LRFN2: variants seen among roughly 807,000 people sequenced by gnomAD.
LRFN2 encodes the protein leucine rich repeat and fibronectin type III domain containing 2, also known as leucine-rich repeat and fibronectin type-III domain-containing protein 2.
LRFN2 carries 18 observed loss-of-function variants against 37.3 expected under a neutral mutation model. That is an observed-to-expected ratio of 0.48 (90% CI 0.33 to 0.72). The LOEUF (loss-of-function observed/expected upper bound fraction) is 0.72. Ranked by LOEUF, LRFN2 falls within the 30% of genes least tolerant of loss-of-function variation. The pLI, the probability that LRFN2 is intolerant of heterozygous loss-of-function variation, is 0.02. For missense variants in LRFN2, 1,006 were observed against 1,060.7 expected (o/e 0.95, Z 0.72); for synonymous variants, 556 against 466.6 (o/e 1.19, Z -2.47).
chr6:40,540,379 G>T (rs1766530742), intron 1 of LRFN2, among the ~76,000 whole-genome samples: 1 of 152,140 alleles, frequency 6.6e-6, no homozygotes, highest in Admixed American at 6.5e-5. Flanking sequence ...GTTCCTTCCA[G>T]ATCCCAAGCT....
intron 1 of LRFN2, among the ~76,000 whole-genome samples, chr6:40,566,073 A>G (rs1209762571): frequency 9.2e-5 from 14 of 152,242 alleles, no homozygotes; most frequent in Non-Finnish European, 2.1e-4. Flanking sequence ...AAGTGGATGA[A>G]GGATATGAAC....
At chr6:40,489,252 C>G (rs1054384047) in intron 1 of LRFN2, among the ~76,000 whole-genome samples, 2 of 152,178 alleles carry the variant, frequency 1.3e-5, no homozygotes, top group Non-Finnish European at 2.9e-5. Flanking sequence ...ACACGAACAA[C>G]AGAACAATAG....
chr6:40,508,439 G>A (rs887594989), intron 1 of LRFN2, among the ~76,000 whole-genome samples: 1 of 152,166 alleles, frequency 6.6e-6, no homozygotes, highest in South Asian at 2.1e-4. Context: ...CTGATCAGCA[G>A]TGGGTGGTGG....
intron 2 of LRFN2, among the ~76,000 whole-genome samples, chr6:40,428,433 A>T (rs1048720515): frequency 6.6e-6 from 1 of 152,222 alleles, no homozygotes; most frequent in African/African-American, 2.4e-5. Flanking sequence ...CTTCCTGTTA[A>T]AATGAGCAGG....
chr6:40,545,050 C>G (rs1289741213), intron 1 of LRFN2, among the ~76,000 whole-genome samples: 2 of 152,220 alleles, frequency 1.3e-5, no homozygotes, highest in East Asian at 3.8e-4. Context: ...CTTCCCATCT[C>G]TGAGCCAGAG....
intron 2 of LRFN2, among the ~76,000 whole-genome samples, chr6:40,396,093 AAG>A (rs1762609106): frequency 3.2e-5 from 1 of 31,458 alleles, no homozygotes. Context: ...ACAAAATAAG[AAG>A]AACAGCTAAC....
intron 1 of LRFN2, among the ~76,000 whole-genome samples, chr6:40,586,618 G>A (rs779340195): frequency 6.6e-6 from 1 of 152,080 alleles, no homozygotes; most frequent in Non-Finnish European, 1.5e-5. Flanking sequence ...TTCTCCTGCT[G>A]TTTTCAACGG....
At chr6:40,457,637 T>TAAAAAAA (rs70984171) in intron 1 of LRFN2, among the ~76,000 whole-genome samples, 44 of 101,392 alleles carry the variant, frequency 4.3e-4, no homozygotes, top group Non-Finnish European at 7.8e-4. Context: ...AGACCCTGTT[T>TAAAAAAA]AAAAAAAAAA....
chr6:40,562,276 T>C (rs1005154985), intron 1 of LRFN2, among the ~76,000 whole-genome samples: 5 of 151,962 alleles, frequency 3.3e-5, no homozygotes, highest in African/African-American at 1.2e-4. Context: ...GGAGGAACCA[T>C]GACTACGCAA....
chr6:40,508,726 A>T (rs1163663516), intron 1 of LRFN2, among the ~76,000 whole-genome samples: 5 of 152,240 alleles, frequency 3.3e-5, no homozygotes, highest in Non-Finnish European at 7.3e-5. Context: ...TGTGCTTGGC[A>T]TGACATTAGT....
intron 1 of LRFN2, among the ~76,000 whole-genome samples, chr6:40,494,894 C>A (rs1392781254): frequency 6.6e-6 from 1 of 152,304 alleles, no homozygotes; most frequent in East Asian, 1.9e-4. Flanking sequence ...AGTTCATAGA[C>A]CAACCCAAAA....
At chr6:40,583,779 A>G (rs1284426500) in intron 1 of LRFN2, among the ~76,000 whole-genome samples, 3 of 152,166 alleles carry the variant, frequency 2.0e-5, no homozygotes, top group Non-Finnish European at 2.9e-5. Flanking sequence ...CAGGCCCCAC[A>G]GAGCTGTATC....
At chr6:40,556,481 T>C (rs1766882577) in intron 1 of LRFN2, among the ~76,000 whole-genome samples, 1 of 152,126 alleles carries the variant, frequency 6.6e-6, no homozygotes. Flanking sequence ...AGAGCCCCAG[T>C]GCAGTCACTC....
intron 1 of LRFN2, among the ~76,000 whole-genome samples, chr6:40,465,132 A>G (rs370730461): frequency 9.9e-5 from 15 of 152,258 alleles, no homozygotes; most frequent in African/African-American, 3.1e-4. Flanking sequence ...AACTAGACCC[A>G]CTGTTTCTGG....
intron 1 of LRFN2, among the ~76,000 whole-genome samples, chr6:40,487,160 G>A (rs2113867341): frequency 6.6e-6 from 1 of 152,220 alleles, no homozygotes; most frequent in South Asian, 2.1e-4. Context: ...ATTAATTCTG[G>A]GTCCCCTTCC....
At chr6:40,461,098 AAGTGACATT>A (rs1250610001) in intron 1 of LRFN2, among the ~76,000 whole-genome samples, 1 of 152,182 alleles carries the variant, frequency 6.6e-6, no homozygotes, top group East Asian at 1.9e-4. Context: ...TTGAGCTGAA[AAGTGACATT>A]AGAAATTTTA....
At chr6:40,406,354 G>A (rs1287629353) in intron 2 of LRFN2, among the ~76,000 whole-genome samples, 1 of 152,222 alleles carries the variant, frequency 6.6e-6, no homozygotes, top group South Asian at 2.1e-4. Flanking sequence ...CAGGTGCACA[G>A]CCAGCTCTGC....
chr6:40,421,135 C>T (rs937508606), intron 2 of LRFN2, among the ~76,000 whole-genome samples: 1 of 152,232 alleles, frequency 6.6e-6, no homozygotes, highest in African/African-American at 2.4e-5. Context: ...AGCAGTGAGC[C>T]ACACATTAAG....
intron 2 of LRFN2, among the ~76,000 whole-genome samples, chr6:40,400,584 C>T (rs1347226091): frequency 6.6e-6 from 1 of 151,494 alleles, no homozygotes; most frequent in East Asian, 1.9e-4. Flanking sequence ...CCATACCTGG[C>T]TAATTTTTGT....
Sources: allele counts gnomAD v4.1 joint callset (sites outside exome capture counted in the v4.1 genomes callset), GRCh38; gene constraint gnomAD v4.1.1; transcripts MANE v1.5; gene names NCBI Gene and HGNC (gene_info 2026-07-23, HGNC 2026-07-21).